The following SNED1 variants were observed in gnomAD, a reference collection of about 807,000 sequenced individuals.
SNED1 encodes sushi, nidogen and EGF-like domain-containing protein 1.
A neutral mutation model predicts 166.7 loss-of-function variants in SNED1; 81 were observed. The ratio of observed to expected loss-of-function variants is 0.49; its 90% CI spans 0.41 to 0.58. The LOEUF (loss-of-function observed/expected upper bound fraction) is 0.58, where lower values mean the gene tolerates loss of function less well. Among genes scored for constraint, SNED1 ranks in the 20% least tolerant of loss-of-function variants. The pLI is 0.00. For synonymous variants in SNED1, 762 were observed against 822.0 expected (o/e 0.93, Z 1.25); for missense variants, 1,604 against 2,000.2 (o/e 0.80, Z 3.78).
intron 1 of SNED1, among the ~76,000 whole-genome samples, chr2:241,017,626 C>A (rs1358626445): frequency 6.6e-6 from 1 of 152,266 alleles, no homozygotes; most frequent in Non-Finnish European, 1.5e-5. Context: ...CCCACACATT[C>A]TTGGCCAAAC....
Position 241,001,581 on chromosome 2 carries a change from G to T in SNED1, c.213+2531G>T, listed in dbSNP as rs558586154. Among the ~76,000 whole-genome samples, 10 of 152,368 alleles carry T rather than the reference G, an allele frequency of 6.6e-5. No homozygotes were observed. In the South Asian group the frequency reaches 2.1e-3, roughly 32 times the overall value. ...GCCGAGGAGTGTGGCGTGCTGAGGA[G>T]TGTGGCATGCTGCCGCTATCCTGCC... On this transcript the variant is annotated intron_variant, in intron 1 of 31. Transcript: ENST00000310397.
chr2:240,998,868 G>A lies in SNED1; in HGVS notation c.31G>A (p.Val11Met). The A allele has an allele frequency of 8.3e-7, 1 of 1,211,290 alleles. No individual in the cohort carries two copies. Among genetic ancestry groups the A allele is most frequent in the Non-Finnish European group, 1.0e-6 (1 of 977,494 alleles). The allele number at this position is 1,211,290 out of a possible 1,614,324, so 75.0% of individuals were successfully genotyped here. MRHGVAWALL[V>M]AAALGLGARG... is the part of the protein sequence containing the mutation. ...GCACGGCGTCGCCTGGGCGCTGCTG[G>A]TGGCCGCGGCCCTGGGGCTTGGGGC... Residue 11 changes from valine to methionine, a missense_variant, in exon 1 of 32, where the codon GTG (valine) becomes ATG (methionine). By Grantham distance (21) the Val-to-Met change is conservative. Transcript: ENST00000310397.
In SNED1 at chr2:241,064,942, G is replaced by C; in HGVS notation, c.2698G>C (p.Glu900Gln). 9 of 1,586,124 alleles carry C rather than the reference G, an allele frequency of 5.7e-6. No homozygotes were observed. The highest frequency in any genetic ancestry group is 7.7e-6 in the Non-Finnish European group (9 of 1,169,748). ...CACCTGCAAAGTGGGCTACACGGGC[G>C]AGGACTGCGCCAAAGGTGGGTGGCG... ...SCTCKVGYTG[E>Q]DCAKELFPPT... The change falls in exon 20 of 32, where the codon GAG becomes CAG. Residue 900 changes from glutamate (E) to glutamine (Q), a missense_variant. Glu to Gln is a conservative substitution (Grantham distance 29, BLOSUM62 2). Around this residue, in one of 2 missense-constraint regions of SNED1, gnomAD observed 1,237 missense variants for 1,620.8 expected, o/e 0.76. Transcript: ENST00000310397. This position sits in a 1 kb window ranked among gnomAD's most constrained non-coding sequence, Gnocchi z 7.0.
Position 241,071,614 on chromosome 2 carries a change from G to A in SNED1, c.3628G>A (p.Gly1210Arg). ...DGADRRWHQG[G>R]HHPRVLKNRP... ...CGCTGACAGACGCTGGCACCAGGGAGGACACCACCCTCGGGTGCTCAAGAA... is the reference window on the plus strand; with the variant it reads ...CGCTGACAGACGCTGGCACCAGGGAAGACACCACCCTCGGGTGCTCAAGAA... The change falls in exon 25 of 32, where the codon GGA becomes AGA. Residue 1210 changes from glycine (G) to arginine (R), a missense_variant. Physicochemically the swap from Gly to Arg is moderately radical, Grantham distance 125. This residue lies in a region of SNED1 where 367 missense variants were observed against 379.4 expected (regional missense o/e 0.97). Transcript: ENST00000310397. 1 of 1,587,996 alleles carries A rather than the reference G, an allele frequency of 6.3e-7. No individual in the cohort carries two copies. Among genetic ancestry groups the A allele is most frequent in the South Asian group, 1.1e-5 (1 of 88,008 alleles).
chr2:241,081,590 GTCA>G (rs1165405047), intron 27 of SNED1, 84 bp from the exon 28 acceptor site: 5 of 1,001,716 alleles, frequency 5.0e-6, no homozygotes, highest in Non-Finnish European at 7.7e-6. Flanking sequence ...CCTGCATCAG[GTCA>G]TCAAGGAAGG....
chr2:241,082,738 C>A (rs1411163787), intron 29 of SNED1, among the ~76,000 whole-genome samples: 1 of 152,242 alleles, frequency 6.6e-6, no homozygotes, highest in East Asian at 1.9e-4. Context: ...CATGAGAATG[C>A]CGGCCCCAGT....
Position 241,051,802 on chromosome 2 carries a change from G to T in SNED1, c.1794G>T (p.Ala598=). The T allele has an allele frequency of 6.4e-7, 1 of 1,561,450 alleles. No individual in the cohort carries two copies. The highest frequency in any genetic ancestry group is 8.7e-7 in the Non-Finnish European group (1 of 1,153,508). ...PCRNGGTCKE[A]GGEYHCSCPY... ...GGAACGGGGGCACGTGCAAGGAGGC[G>T]GGCGGCGAGTACCACTGCAGCTGCC... The change falls in exon 13 of 32, where the codon GCG becomes GCT. Residue 598 remains alanine, a synonymous_variant. Coordinates refer to ENST00000310397, the MANE Select transcript of SNED1 (RefSeq NM_001080437.3). This position sits in a 1 kb window ranked among gnomAD's most constrained non-coding sequence, Gnocchi z 4.7.
chr2:241,046,042 A>T (rs1190020813), intron 8 of SNED1, among the ~76,000 whole-genome samples: 1 of 152,230 alleles, frequency 6.6e-6, no homozygotes, highest in East Asian at 1.9e-4. Context: ...TATGGAGGTG[A>T]ATAAACGGAT....
chr2:241,048,248 C>T, intron 8 of SNED1, 67 bp from the exon 9 acceptor site: 2 of 1,486,588 alleles, frequency 1.3e-6, no homozygotes, highest in Admixed American at 2.5e-5. Context: ...GCCATTGGAG[C>T]TGGGCGGGGA....
At chr2:241,021,453 C>A (rs898136227) in intron 1 of SNED1, among the ~76,000 whole-genome samples, 5 of 152,236 alleles carry the variant, frequency 3.3e-5, no homozygotes, top group Admixed American at 2.0e-4. Context: ...CCCAGCCCCC[C>A]ATCCACTGCA....
chr2:241,039,747 G>A (rs774615781), intron 6 of SNED1, among the ~76,000 whole-genome samples: 5 of 152,138 alleles, frequency 3.3e-5, no homozygotes, highest in Admixed American at 1.3e-4. Flanking sequence ...AGTCCACTTG[G>A]AATAAGAGCC....
chr2:241,073,437 G>C lies in SNED1; in HGVS notation c.3916+73G>C. On this transcript the variant is annotated intron_variant, in intron 27 of 31. Coordinates refer to ENST00000310397, the MANE Select transcript of SNED1 (RefSeq NM_001080437.3). This position sits in a 1 kb window ranked among gnomAD's most constrained non-coding sequence, Gnocchi z 6.6. ...CAGGGGCCTTAGAGGCTGCAGGCAG[G>C]AGGGACCACCCACGGTGAGGAATCA... 8.0e-7 allele frequency: 1 copy of C among 1,246,708 alleles called. No individual in the cohort carries two copies. The highest frequency in any genetic ancestry group is 1.1e-6 in the Non-Finnish European group (1 of 869,570). 77.2% of individuals were successfully genotyped at this position (1,246,708 alleles called of 1,614,324 possible).
intron 26 of SNED1, chr2:241,072,540 CA>C: frequency 3.1e-6 from 1 of 323,134 alleles, no homozygotes; most frequent in South Asian, 2.5e-5. Context: ...AGAGCCTAGT[CA>C]CCAGTTTAAT....
chr2:241,019,835 G>C (rs1028845059), intron 1 of SNED1, among the ~76,000 whole-genome samples: 1 of 152,202 alleles, frequency 6.6e-6, no homozygotes, highest in African/African-American at 2.4e-5. Context: ...TGGCAGACCA[G>C]ACCGCAGACT....
chr2:241,019,182 T>C (rs1234101712), intron 1 of SNED1, among the ~76,000 whole-genome samples: 1 of 150,020 alleles, frequency 6.7e-6, no homozygotes, highest in African/African-American at 2.5e-5. Context: ...CAGGAGCACA[T>C]GCCCATGGTG....
chr2:241,047,821 T>A (rs887362810), intron 8 of SNED1, among the ~76,000 whole-genome samples: 4 of 151,436 alleles, frequency 2.6e-5, no homozygotes, highest in African/African-American at 7.3e-5. Context: ...CATTCCCAGG[T>A]GGTTTCTCTG....
upstream of SNED1, among the ~76,000 whole-genome samples, chr2:240,998,391 G>A (rs10175613): frequency 0.097 from 14,752 of 152,260 alleles, 2,335 homozygotes; most frequent in African/African-American, 0.33. Context: ...TGAGGGCCCA[G>A]GCGCCTCCAC....
intron 31 of SNED1, chr2:241,090,592 C>T (rs1260861237): frequency 2.1e-6 from 2 of 974,696 alleles, no homozygotes; most frequent in Non-Finnish European, 2.7e-6. Context: ...ACCAGCATCA[C>T]CACAAACACA....
In SNED1 at chr2:241,081,736, G is replaced by A. The variant is rs763228840; in HGVS notation, c.3976G>A (p.Ala1326Thr). The A allele has an allele frequency of 1.3e-5, 21 of 1,609,110 alleles. No individual in the cohort carries two copies. The African/African-American group carries it at 2.0e-4, about 15-fold the overall frequency. Residue 1326 changes from alanine (A) to threonine (T), a missense_variant, in exon 28 of 32, where the codon GCA (alanine) becomes ACA (threonine). Coordinates refer to ENST00000310397, the MANE Select transcript of SNED1 (RefSeq NM_001080437.3). ...GAACGGAGGCACTTGTGTGCCGGGC[G>A]CAGACGCCCACAGCTGTGACTGCGG... is the stretch of plus-strand genomic sequence containing the variant. Reference protein sequence around the residue: ...CQNGGTCVPGADAHSCDCGPG... With the variant: ...CQNGGTCVPGTDAHSCDCGPG...
Sources: allele counts gnomAD v4.1 joint callset (sites outside exome capture counted in the v4.1 genomes callset), GRCh38; gene constraint gnomAD v4.1.1; regional missense constraint gnomAD v4.1.1; non-coding constraint Gnocchi (gnomAD v3.1); transcripts MANE v1.5; gene names NCBI Gene and HGNC (gene_info 2026-07-23, HGNC 2026-07-21).